Variants in ZNF835 observed in about 807,000 individuals in gnomAD.
The protein encoded by ZNF835 is zinc finger protein 835.
For synonymous variants in ZNF835, 323 were observed against 324.7 expected, an observed-to-expected ratio of 0.99 and a Z score of 0.06; for missense variants, 783 against 758.4, an observed-to-expected ratio of 1.03 and a Z score of -0.38.
At chr19:56,667,241 T>G (rs2045254375) in intron 1 of ZNF835, among the ~76,000 whole-genome samples, 4 of 152,250 alleles carry the variant, frequency 2.6e-5, no homozygotes, top group Non-Finnish European at 5.9e-5. Context: ...ACCTGCACGC[T>G]GGCGAGAAAC....
chr19:56,664,852 C>A lies in ZNF835; in HGVS notation c.347G>T (p.Gly116Val). 1.2e-6 allele frequency: 2 copies of A among 1,613,938 alleles called. No homozygotes were observed. Among genetic ancestry groups the A allele is most frequent in the Non-Finnish European group, 1.7e-6 (2 of 1,179,930 alleles). The change falls in exon 2 of 2, where the codon GGG (glycine) becomes GTG (valine). Residue 116 changes from glycine (G) to valine (V), a missense_variant. Physicochemically the swap from Gly to Val is moderately radical, Grantham distance 109. Transcript: ENST00000537055. Reference sequence around the variant, plus strand: ...CGCTGAACAGTAGCTGAAGGCCTTCCCGCAGTCCCCGCATTTCCACGGCTT... The same window carrying A: ...CGCTGAACAGTAGCTGAAGGCCTTCACGCAGTCCCCGCATTTCCACGGCTT... ...PKKPWKCGDCGKAFSYCSAFI... is the reference protein window; with the variant it reads ...PKKPWKCGDCVKAFSYCSAFI...
At chr19:56,665,286 C>T in intron 1 of ZNF835, 41 bp from the exon 2 acceptor site, 1 of 1,558,972 alleles carries the variant, frequency 6.4e-7, no homozygotes, top group South Asian at 1.1e-5. Flanking sequence ...AATGTTGCCA[C>T]TTGTCCTGAG....
At position 56,664,544 on chromosome 19, in the gene ZNF835, C is replaced by A. The variant is rs1600629950; in HGVS notation, c.655G>T (p.Glu219Ter). The change falls in exon 2 of 2, where the codon GAG becomes TAG. Residue 219 changes from glutamate to a stop codon, truncating the protein, a stop_gained. Coordinates refer to ENST00000537055, the MANE Select transcript of ZNF835 (RefSeq NM_001005850.3). LOFTEE classifies it low-confidence loss of function (END_TRUNC). The part of the protein sequence containing the change: ...LTQHRRVHTG[E>*]RPYACAQCAK... ...CACTGGGCGCACGCGTAGGGCCGCT[C>A]GCCCGTGTGCACGCGCCGGTGCTGG... is the stretch of plus-strand genomic sequence containing the variant. 1 of 1,608,792 alleles carries A rather than the reference C, an allele frequency of 6.2e-7. No individual in the cohort carries two copies. Among genetic ancestry groups the A allele is most frequent in the Non-Finnish European group, 8.5e-7 (1 of 1,177,242 alleles).
chr19:56,667,857 GC>G (rs1189868296), intron 1 of ZNF835, among the ~76,000 whole-genome samples: 2 of 152,314 alleles, frequency 1.3e-5, no homozygotes, highest in Non-Finnish European at 2.9e-5. Context: ...CAACAAGAGG[GC>G]CCGGTCTATG....
rs2045222030 is a variant in ZNF835 at position 56,664,430 on chromosome 19, T to G, written c.769A>C (p.Lys257Gln). ...EKPYECSACA[K>Q]AFRFSSALIR... The stretch of plus-strand genomic sequence containing the variant: ...AGCGCTGAGGAGAAGCGGAAGGCCT[T>G]GGCGCACGCGGAGCACTCGTAGGGC... Residue 257 changes from lysine (K) to glutamine (Q), a missense_variant, in exon 2 of 2, where the codon AAG becomes CAG. By Grantham distance (53) the Lys-to-Gln change is moderately conservative (BLOSUM62 1). Coordinates refer to ENST00000537055, the MANE Select transcript of ZNF835 (RefSeq NM_001005850.3). The G allele has an allele frequency of 6.2e-7, 1 of 1,612,360 alleles. No individual in the cohort carries two copies. The highest frequency in any genetic ancestry group is 1.3e-5 in the African/African-American group (1 of 74,484).
rs770362955 is a variant in ZNF835 at position 56,663,775 on chromosome 19, T to TCCC, written c.1423_1424insGGG (p.Tyr474_Glu475insGly). On this transcript the variant is annotated inframe_insertion, in exon 2 of 2. Coordinates refer to ENST00000537055, the MANE Select transcript of ZNF835 (RefSeq NM_001005850.3). The stretch of plus-strand genomic sequence containing the variant: ...GAAGGCCTTCCCGCAGCCGCTGCAC[T>TCCC]CGTAGGGCTTCTCCCCGGTGTGCAC... 40 of 1,613,768 alleles carry TCCC rather than the reference T, an allele frequency of 2.5e-5. No homozygotes were observed. The East Asian group carries it at 8.2e-4, about 33-fold the overall frequency.
chr19:56,669,555 C>T (rs950252762), intron 1 of ZNF835, among the ~76,000 whole-genome samples: 1 of 135,970 alleles, frequency 7.4e-6, no homozygotes, highest in African/African-American at 2.9e-5. Context: ...ACCAGGAGTC[C>T]TCCATTAGCA....
At chr19:56,666,794 C>G (rs1264308214) in intron 1 of ZNF835, among the ~76,000 whole-genome samples, 1 of 152,174 alleles carries the variant, frequency 6.6e-6, no homozygotes, top group Admixed American at 6.5e-5. Context: ...CCAGGGGGCT[C>G]ACTTACTCTC....
chr19:56,665,472 C>A (rs771386255), intron 1 of ZNF835: 1 of 686,528 alleles, frequency 1.5e-6, no homozygotes, highest in Non-Finnish European at 2.7e-6. Flanking sequence ...CACTACCCCT[C>A]AACCCCTGAG....
In ZNF835 at chr19:56,663,641, C is replaced by A. The variant is rs1157874346; in HGVS notation, c.1558G>T (p.Glu520Ter). Reference protein sequence around the residue: ...DSTPGLSQGGETCQQGCPGRN... With the variant: ...DSTPGLSQGG ...CCAGGGCACCCCTGTTGACAGGTTT[C>A]TCCTCCCTGTGAGAGCCCAGGTGTT... Residue 520 changes from glutamate (E) to a stop codon, truncating the protein, a stop_gained, in exon 2 of 2, where the codon GAA (glutamate) becomes TAA (stop). Coordinates refer to ENST00000537055, the MANE Select transcript of ZNF835 (RefSeq NM_001005850.3). LOFTEE classifies it low-confidence loss of function (END_TRUNC). The A allele has an allele frequency of 6.2e-7, 1 of 1,613,944 alleles. No homozygotes were observed. The highest frequency in any genetic ancestry group is 8.5e-7 in the Non-Finnish European group (1 of 1,179,906).
Position 56,664,941 on chromosome 19 carries a change from A to C in ZNF835, c.258T>G (p.Pro86=), listed in dbSNP as rs753152098. The C allele has an allele frequency of 3.7e-6, 6 of 1,613,982 alleles. No individual in the cohort carries two copies. The highest frequency in any genetic ancestry group is 5.1e-6 in the Non-Finnish European group (6 of 1,179,888). ...DDSSSRRCSA[P]GESPKERHPD... ...GATGCCTCTCCTTCGGGCTCTCCCC[A>C]GGCGCGCTGCACCTCCGGGAACTGC... The change falls in exon 2 of 2, where the codon CCT becomes CCG. Residue 86 remains proline, a synonymous_variant. Transcript: ENST00000537055.
Position 56,664,235 on chromosome 19 carries a change from C to A in ZNF835, c.964G>T (p.Ala322Ser). 8 of 1,572,022 alleles carry A rather than the reference C, an allele frequency of 5.1e-6. No homozygotes were observed. The highest frequency in any genetic ancestry group is 6.9e-6 in the Non-Finnish European group (8 of 1,162,060). ...GALFSQSASL[A>S]EHRRIHTGEK... ...CCTGTGTGGATGCGCCGGTGCTCGGCCAGAGAGGCGCTCTGGCTGAAGAGC... is the reference window on the plus strand; with the variant it reads ...CCTGTGTGGATGCGCCGGTGCTCGGACAGAGAGGCGCTCTGGCTGAAGAGC... Residue 322 changes from alanine (A) to serine (S), a missense_variant, in exon 2 of 2, where the codon GCC becomes TCC. Ala to Ser is a moderately conservative substitution (Grantham distance 99, BLOSUM62 1). Transcript: ENST00000537055.
At chr19:56,668,078 A>T (rs1470844893) in intron 1 of ZNF835, among the ~76,000 whole-genome samples, 1 of 150,312 alleles carries the variant, frequency 6.7e-6, no homozygotes, top group African/African-American at 2.4e-5. Flanking sequence ...GCTCACTGCA[A>T]CCTTCACCTT....
At position 56,664,427 on chromosome 19, in the gene ZNF835, C is replaced by T. The variant is rs1339751523; in HGVS notation, c.772G>A (p.Ala258Thr). ...ATGAGCGCTGAGGAGAAGCGGAAGG[C>T]CTTGGCGCACGCGGAGCACTCGTAG... ...KPYECSACAK[A>T]FRFSSALIRH... Residue 258 changes from alanine to threonine, a missense_variant, in exon 2 of 2, where the codon GCC (alanine) becomes ACC (threonine). Transcript: ENST00000537055. 1 of 1,612,152 alleles carries T rather than the reference C, an allele frequency of 6.2e-7. No homozygotes were observed. Among genetic ancestry groups the T allele is most frequent in the Non-Finnish European group, 8.5e-7 (1 of 1,179,208 alleles).
rs1450250115 is a variant in ZNF835, at chr19:56,663,948, G to A, written c.1251C>T (p.Pro417=). 1.2e-6 allele frequency: 2 copies of A among 1,613,018 alleles called. No homozygotes were observed. Among genetic ancestry groups the A allele is most frequent in the African/African-American group, 1.3e-5 (1 of 74,942 alleles). The change falls in exon 2 of 2, where the codon CCC becomes CCT. Residue 417 remains proline, a synonymous_variant. Coordinates refer to ENST00000537055, the MANE Select transcript of ZNF835 (RefSeq NM_001005850.3). ...CTTTGCCGCACTCGCCGCACTTGTA[G>A]GGCCGCTCTCCGGTGTGGATCTTCT... ...EHQKIHTGER[P]YKCGECGKAF...
At chr19:56,670,591 A>G (rs1463458993) in intron 1 of ZNF835, among the ~76,000 whole-genome samples, 1 of 152,148 alleles carries the variant, frequency 6.6e-6, no homozygotes, top group Non-Finnish European at 1.5e-5. Context: ...GAGACGCACA[A>G]GGTCACACAT....
Position 56,663,818 on chromosome 19 carries a change from G to A in ZNF835, c.1381C>T (p.Leu461=). The change falls in exon 2 of 2, where the codon CTG becomes TTG. Residue 461 remains leucine (L), a synonymous_variant. Transcript: ENST00000537055. ...GTGTGCACGATGTGGTGCTGGATCAGGTAGGAGCGGTTGCTGAAGGCCTTG... is the reference window on the plus strand; with the variant it reads ...GTGTGCACGATGTGGTGCTGGATCAAGTAGGAGCGGTTGCTGAAGGCCTTG... The part of the protein sequence containing the change: ...CGKAFSNRSY[L]IQHHIVHTGE... The A allele has an allele frequency of 6.2e-7, 1 of 1,614,052 alleles. No homozygotes were observed.
chr19:56,667,619 T>C lies in ZNF835; in HGVS notation c.-47-2374A>G, dbSNP rs74712744. ...GCTGTGTGCATACAGCAGAGAGTGC[T>C]CGGCCTTTGGCTCCTCCGGGTACAC... On this transcript the variant is annotated intron_variant, in intron 1 of 1. Transcript: ENST00000537055. Among the ~76,000 whole-genome samples the C allele has an allele frequency of 2.3e-3, 349 of 152,292 alleles. 10 individuals carry two copies. In the East Asian group the frequency reaches 0.056, roughly 25 times the overall value.
intron 1 of ZNF835, among the ~76,000 whole-genome samples, chr19:56,666,746 C>G (rs987283046): frequency 1.3e-5 from 2 of 152,148 alleles, no homozygotes; most frequent in African/African-American, 4.8e-5. Context: ...ATGAGGGCAT[C>G]CTCCTTAATA....
Sources: gnomAD v4.1 joint callset for allele counts (sites outside exome capture counted in the v4.1 genomes callset) on GRCh38, gnomAD v4.1.1 for gene constraint, MANE v1.5 for transcripts, NCBI Gene and HGNC (gene_info 2026-07-23, HGNC 2026-07-21) for gene names.